The following HEATR5A variants were observed in gnomAD, a reference collection of about 807,000 sequenced individuals.
HEATR5A encodes the protein HEAT repeat-containing protein 5A.
HEATR5A carries 178 observed loss-of-function variants against 218.8 expected under a neutral mutation model. The ratio of observed to expected loss-of-function variants is 0.81; its 90% confidence interval spans 0.72 to 0.92. The LOEUF (loss-of-function observed/expected upper bound fraction) is 0.92, where lower values mean the gene tolerates loss of function less well. HEATR5A is among the 40% of genes least tolerant of loss of function. The pLI is 0.00. For missense variants in HEATR5A, 2,420 were observed against 2,418.9 expected (o/e 1.00, Z -0.01); for synonymous variants, 864 against 871.6 (o/e 0.99, Z 0.15).
intron 21 of HEATR5A, 120 bp downstream of exon 21, chr14:31,343,776 T>C (rs1900920630): frequency 1.4e-6 from 1 of 707,260 alleles, no homozygotes; most frequent in Admixed American, 3.9e-5. Flanking sequence ...TGAGGGGAAA[T>C]AGCTACGTAT....
chr14:31,412,786 A>C (rs550018701), intron 1 of HEATR5A, among the ~76,000 whole-genome samples: 3 of 152,076 alleles, frequency 2.0e-5, no homozygotes, highest in Non-Finnish European at 4.4e-5. Flanking sequence ...AGGCAGGAGA[A>C]TCGCTTGAAC....
intron 11 of HEATR5A, among the ~76,000 whole-genome samples, chr14:31,377,620 T>C (rs375493649): frequency 1.3e-5 from 2 of 151,928 alleles, no homozygotes; most frequent in South Asian, 2.1e-4. Context: ...CAAAACCCCA[T>C]CTTTACAAAA....
At chr14:31,328,193 C>G (rs2139177144) in intron 22 of HEATR5A, among the ~76,000 whole-genome samples, 1 of 152,182 alleles carries the variant, frequency 6.6e-6, no homozygotes, top group African/African-American at 2.4e-5. Context: ...ACCTCAGATC[C>G]ACCCGCCTCA....
intron 2 of HEATR5A, among the ~76,000 whole-genome samples, chr14:31,402,197 T>C (rs1310097927): frequency 6.6e-6 from 1 of 152,240 alleles, no homozygotes. Context: ...AATGTCTCCA[T>C]GAGTAGTGTT....
chr14:31,402,937 T>A lies in HEATR5A; in HGVS notation c.39A>T (p.Ala13=), dbSNP rs1404816194. Residue 13 remains alanine (A), a synonymous_variant, in exon 2 of 36, where the codon GCA becomes GCT. Coordinates refer to ENST00000543095, the MANE Select transcript of HEATR5A (RefSeq NM_015473.4). ...TCTGAACTTCACCTAGTTGATTGTA[T>A]GCTTCTTCATTCAGCAGTAAGCTAT... ...LAHSLLLNEE[A]YNQLGEVQKA... 1 of 1,536,186 alleles carries A rather than the reference T, an allele frequency of 6.5e-7. No homozygotes were observed. Among genetic ancestry groups the A allele is most frequent in the Non-Finnish European group, 8.7e-7 (1 of 1,146,800 alleles).
At chr14:31,313,688 A>T (rs1419850017) in intron 27 of HEATR5A, among the ~76,000 whole-genome samples, 1 of 152,246 alleles carries the variant, frequency 6.6e-6, no homozygotes. Flanking sequence ...TCTAAAATCC[A>T]AAAAGCTCTG....
intron 12 of HEATR5A, among the ~76,000 whole-genome samples, chr14:31,372,285 T>A (rs577422220): frequency 6.6e-6 from 1 of 151,620 alleles, no homozygotes; most frequent in Non-Finnish European, 1.5e-5. Context: ...CAAGTCAGCA[T>A]GTTAGGTTTT....
At position 31,329,737 on chromosome 14, in the gene HEATR5A, G is replaced by C. The variant is rs183089879; in HGVS notation, c.3368-3395C>G. On this transcript the variant is annotated intron_variant, in intron 22 of 35. Transcript: ENST00000543095. ...CTTCTTTTCTTATTTTTTTGAGATG[G>C]AGTCTCGCTCTGTCATCCAGTCTAG... Among the ~76,000 whole-genome samples the C allele has an allele frequency of 1.3e-4, 20 of 152,206 alleles. No individual in the cohort carries two copies. The East Asian group carries it at 3.5e-3, about 26-fold the overall frequency.
chr14:31,302,610 A>G, intron 32 of HEATR5A, 91 bp from the exon 33 acceptor site: 1 of 826,896 alleles, frequency 1.2e-6, no homozygotes, highest in Non-Finnish European at 1.9e-6. Flanking sequence ...ACAATGTCAG[A>G]TTTTCAGTTT....
intron 1 of HEATR5A, among the ~76,000 whole-genome samples, chr14:31,408,898 C>A (rs1006252098): frequency 8.1e-6 from 1 of 123,746 alleles, no homozygotes; most frequent in Non-Finnish European, 1.7e-5. Context: ...GAGACCATCC[C>A]GGCTAAAACG....
chr14:31,358,370 A>G (rs764807489), intron 16 of HEATR5A, among the ~76,000 whole-genome samples: 3 of 152,168 alleles, frequency 2.0e-5, no homozygotes, highest in Non-Finnish European at 2.9e-5. Context: ...CTCATAAATC[A>G]GTATCTTATG....
chr14:31,298,275 G>A (rs1168788793), intron 33 of HEATR5A, among the ~76,000 whole-genome samples: 1 of 152,044 alleles, frequency 6.6e-6, no homozygotes, highest in East Asian at 1.9e-4. Flanking sequence ...TAAGTTTTGA[G>A]GCAATTTTTT....
chr14:31,344,466 G>C (rs1255653064), intron 20 of HEATR5A, among the ~76,000 whole-genome samples: 1 of 143,622 alleles, frequency 7.0e-6, no homozygotes, highest in Non-Finnish European at 1.5e-5. Flanking sequence ...TTTTAGCAGA[G>C]ACGGGGTTTC....
intron 1 of HEATR5A, among the ~76,000 whole-genome samples, chr14:31,405,378 G>T (rs1004703647): frequency 6.6e-6 from 1 of 152,086 alleles, no homozygotes; most frequent in Non-Finnish European, 1.5e-5. Context: ...AGGTTGCAGC[G>T]AGCCAGGATC....
chr14:31,337,612 C>A lies in HEATR5A; in HGVS notation c.3231G>T (p.Val1077=). 2 of 1,599,518 alleles carry A rather than the reference C, an allele frequency of 1.3e-6. No individual in the cohort carries two copies. The highest frequency in any genetic ancestry group is 1.7e-5 in the Admixed American group (1 of 57,936). Residue 1077 remains valine, a splice_region_variant and synonymous_variant, in exon 22 of 36, where the codon GTG becomes GTT. Coordinates refer to ENST00000543095, the MANE Select transcript of HEATR5A (RefSeq NM_015473.4). ...NLSSLVSCLC[V]NLCSPYLLLR... ...GTAACAAGTAGGGGCTACAAAGATT[C>A]ACCTGAAAAATACCATTTGAGGAAC...
In HEATR5A at chr14:31,383,562, C is replaced by T. The variant is rs745968584; in HGVS notation, c.1555G>A (p.Val519Ile). ...GGAATTCCTAAAGGACAATGTTTTA[C>T]TGCTCCCAACAAAGCTGCTACAGCA... ...SFAVAALLGA[V>I]KHCPLGIPHG... The change falls in exon 10 of 36, where the codon GTA becomes ATA. Residue 519 changes from valine to isoleucine, a missense_variant. Physicochemically the swap from Val to Ile is conservative, Grantham distance 29 (BLOSUM62 3). Coordinates refer to ENST00000543095, the MANE Select transcript of HEATR5A (RefSeq NM_015473.4). 74 of 1,613,788 alleles carry T rather than the reference C, an allele frequency of 4.6e-5. No homozygotes were observed. In the Admixed American group the frequency reaches 1.1e-3, roughly 24 times the overall value.
At chr14:31,412,378 C>G (rs1234004693) in intron 1 of HEATR5A, among the ~76,000 whole-genome samples, 2 of 151,536 alleles carry the variant, frequency 1.3e-5, no homozygotes, top group East Asian at 2.0e-4. Flanking sequence ...GGGTGGATCA[C>G]GAGGTCAAGA....
intron 1 of HEATR5A, among the ~76,000 whole-genome samples, chr14:31,418,324 A>AT (rs947116050): frequency 4.6e-5 from 7 of 152,270 alleles, no homozygotes; most frequent in African/African-American, 1.7e-4. Flanking sequence ...GGGTCCACTA[A>AT]TTTTTTTCTG....
chr14:31,385,579 G>C (rs2030184907), intron 9 of HEATR5A, among the ~76,000 whole-genome samples: 1 of 152,146 alleles, frequency 6.6e-6, no homozygotes, highest in Non-Finnish European at 1.5e-5. Flanking sequence ...CTGCGGCAAA[G>C]GGAAATGGAA....
Sources: allele counts gnomAD v4.1 joint callset (sites outside exome capture counted in the v4.1 genomes callset), GRCh38; gene constraint gnomAD v4.1.1; transcripts MANE v1.5; gene names NCBI Gene and HGNC (gene_info 2026-07-23, HGNC 2026-07-21).